Variants in MAPKAP1 observed in about 807,000 individuals in gnomAD.
The protein encoded by MAPKAP1 is MAPK associated protein 1.
MAPKAP1 carries 20 observed loss-of-function variants against 65.7 expected under a neutral mutation model. That is an observed-to-expected ratio of 0.30 (90% CI 0.21 to 0.44). The LOEUF is 0.44. Among genes scored for constraint, MAPKAP1 ranks in the 20% least tolerant of loss-of-function variants. MAPKAP1 has a pLI of 1.00. For missense variants in MAPKAP1, 423 were observed against 648.0 expected (o/e 0.65, Z 3.77); for synonymous variants, 222 against 244.3 (o/e 0.91, Z 0.85).
Position 125,564,204 on chromosome 9 carries a change from T to C in MAPKAP1, c.672-4395A>G, listed in dbSNP as rs550257105. Among the ~76,000 whole-genome samples the C allele has an allele frequency of 9.8e-5, 15 of 152,334 alleles. No individual in the cohort carries two copies. In the East Asian group the frequency reaches 2.7e-3, roughly 27 times the overall value. On this transcript the variant is annotated intron_variant, in intron 5 of 11. Coordinates refer to ENST00000265960, the MANE Select transcript of MAPKAP1 (RefSeq NM_001006617.3). ...GGCAAAGGTGAGGATGAAAGGGGAA[T>C]TTTTATAGTCCATCAAGATATGAAT...
At chr9:125,618,996 G>C (rs1832822618) in intron 4 of MAPKAP1, among the ~76,000 whole-genome samples, 1 of 152,102 alleles carries the variant, frequency 6.6e-6, no homozygotes, top group Non-Finnish European at 1.5e-5. Context: ...AGCTGGATGT[G>C]GTGGTGCATG....
intron 1 of MAPKAP1, among the ~76,000 whole-genome samples, chr9:125,693,806 T>TAC (rs1401323956): frequency 7.5e-6 from 1 of 133,332 alleles, no homozygotes; most frequent in Non-Finnish European, 1.7e-5. Flanking sequence ...CACATATATA[T>TAC]ACACACACAT....
chr9:125,524,895 C>A (rs1829719005), intron 7 of MAPKAP1, among the ~76,000 whole-genome samples: 1 of 152,212 alleles, frequency 6.6e-6, no homozygotes, highest in Non-Finnish European at 1.5e-5. Context: ...GCTCCAGATG[C>A]AGGGTGCTCC....
rs1348192519 is a variant in MAPKAP1 at position 125,613,901 on chromosome 9, C to T, written c.499-28174G>A. The stretch of plus-strand genomic sequence containing the variant: ...CAAGCTCCGCCTCCCAGGTTCACGC[C>T]ATTCTCCTGCCTCATCCTCCCCAGT... On this transcript the variant is annotated intron_variant, in intron 4 of 11. Coordinates refer to ENST00000265960, the MANE Select transcript of MAPKAP1 (RefSeq NM_001006617.3). 2.0e-5 allele frequency among the ~76,000 whole-genome samples: 3 copies of T among 152,124 alleles called. No individual in the cohort carries two copies. In the East Asian group the frequency reaches 5.8e-4, roughly 30 times the overall value.
intron 5 of MAPKAP1, among the ~76,000 whole-genome samples, chr9:125,564,625 C>T (rs527303060): frequency 1.6e-4 from 25 of 152,170 alleles, no homozygotes; most frequent in Admixed American, 5.9e-4. Context: ...TTTTCTCTAC[C>T]GAGTTCTGGA....
intron 10 of MAPKAP1, among the ~76,000 whole-genome samples, chr9:125,460,167 T>C (rs74612132): frequency 0.02 from 3,063 of 152,258 alleles, 167 homozygotes; most frequent in East Asian, 0.14. Flanking sequence ...TTTGAGAAAA[T>C]GGTAATCAAA....
intron 4 of MAPKAP1, among the ~76,000 whole-genome samples, chr9:125,621,391 T>C (rs1832894746): frequency 6.6e-6 from 1 of 152,208 alleles, no homozygotes; most frequent in Non-Finnish European, 1.5e-5. Flanking sequence ...TTAGTAATAT[T>C]ATTACTAACC....
At chr9:125,472,738 T>G (rs1022571563) in intron 9 of MAPKAP1, among the ~76,000 whole-genome samples, 1 of 152,168 alleles carries the variant, frequency 6.6e-6, no homozygotes, top group Non-Finnish European at 1.5e-5. Context: ...AAGTTTTGAC[T>G]AGAAAAATCC....
intron 4 of MAPKAP1, among the ~76,000 whole-genome samples, chr9:125,638,857 C>T (rs1305426328): frequency 2.0e-5 from 3 of 152,222 alleles, no homozygotes; most frequent in Non-Finnish European, 2.9e-5. Context: ...AAGGAACGAT[C>T]ACCACCTTTG....
intron 7 of MAPKAP1, among the ~76,000 whole-genome samples, chr9:125,518,199 AC>A (rs1251697293): frequency 6.6e-5 from 10 of 152,232 alleles, no homozygotes; most frequent in African/African-American, 2.4e-4. Flanking sequence ...AAAATTTCAT[AC>A]AACCTAAACA....
chr9:125,515,614 C>T (rs1329252171), intron 7 of MAPKAP1, among the ~76,000 whole-genome samples: 2 of 152,212 alleles, frequency 1.3e-5, no homozygotes, highest in African/African-American at 2.4e-5. Context: ...TCATTCAGCC[C>T]CAGCCTAATG....
intron 6 of MAPKAP1, among the ~76,000 whole-genome samples, chr9:125,546,787 G>A (rs1284006122): frequency 1.3e-5 from 2 of 152,120 alleles, no homozygotes; most frequent in Non-Finnish European, 2.9e-5. Context: ...CCAGTCTCTG[G>A]GTTAGGAGCT....
At chr9:125,464,046 A>C (rs1028766798) in intron 10 of MAPKAP1, among the ~76,000 whole-genome samples, 2 of 151,952 alleles carry the variant, frequency 1.3e-5, no homozygotes, top group African/African-American at 4.8e-5. Flanking sequence ...GCCAGCACTT[A>C]AAAAGAGAGC....
intron 4 of MAPKAP1, among the ~76,000 whole-genome samples, chr9:125,629,001 T>C (rs982806807): frequency 2.6e-5 from 4 of 151,202 alleles, no homozygotes; most frequent in East Asian, 1.9e-4. Flanking sequence ...GAAACACGAA[T>C]TGAAACCACA....
intron 1 of MAPKAP1, among the ~76,000 whole-genome samples, chr9:125,682,412 A>G (rs1163399209): frequency 6.6e-6 from 1 of 152,258 alleles, no homozygotes; most frequent in African/African-American, 2.4e-5. Context: ...TTATTCAGCT[A>G]TTATAAAACA....
intron 6 of MAPKAP1, 38 bp downstream of exon 6, chr9:125,559,595 G>T: frequency 6.4e-7 from 1 of 1,563,678 alleles, no homozygotes; most frequent in Non-Finnish European, 8.7e-7. Flanking sequence ...AGAAGGTTGG[G>T]ATGAGATACC....
intron 4 of MAPKAP1, among the ~76,000 whole-genome samples, chr9:125,621,966 C>G (rs1398712677): frequency 6.6e-6 from 1 of 152,134 alleles, no homozygotes; most frequent in Non-Finnish European, 1.5e-5. Flanking sequence ...AGAATGGAAG[C>G]CTGTCATCAT....
At chr9:125,488,597 C>T (rs556081739) in intron 8 of MAPKAP1, among the ~76,000 whole-genome samples, 6 of 152,342 alleles carry the variant, frequency 3.9e-5, no homozygotes, top group Admixed American at 2.0e-4. Flanking sequence ...CCACCCGCCT[C>T]GGCCTCCCAA....
intron 7 of MAPKAP1, among the ~76,000 whole-genome samples, chr9:125,526,171 T>C (rs1253799611): frequency 6.6e-6 from 1 of 152,208 alleles, no homozygotes; most frequent in Non-Finnish European, 1.5e-5. Context: ...TTTAAGTAAG[T>C]TCAAGCCTTT....
Sources: gnomAD v4.1 joint callset for allele counts (sites outside exome capture counted in the v4.1 genomes callset) on GRCh38, gnomAD v4.1.1 for gene constraint, MANE v1.5 for transcripts, NCBI Gene and HGNC (gene_info 2026-07-23, HGNC 2026-07-21) for gene names.